The following ADAD2 variants were observed in gnomAD, a reference collection of about 807,000 sequenced individuals.
ADAD2 encodes the protein adenosine deaminase domain containing 2.
ADAD2 carries 60 observed loss-of-function variants against 54.5 expected under a neutral mutation model. The ratio of observed to expected loss-of-function variants is 1.10; its 90% confidence interval spans 0.89 to 1.36. The LOEUF is 1.36. ADAD2 is among the 40% of genes most tolerant of loss of function. The pLI, the probability that ADAD2 is intolerant of heterozygous loss-of-function variation, is 0.00. For synonymous variants in ADAD2, 543 were observed against 366.2 expected (o/e 1.48, Z -5.51); for missense variants, 1,103 against 801.3 (o/e 1.38, Z -4.54).
At chr16:84,196,532 C>T (rs1429235163) in intron 8 of ADAD2, 115 bp from the exon 9 acceptor site, 6 of 1,551,912 alleles carry the variant, frequency 3.9e-6, no homozygotes, top group Non-Finnish European at 5.2e-6. Flanking sequence ...CTCTGTCTGC[C>T]CTGTGAGTCC....
rs763555427 is a variant in ADAD2, at chr16:84,194,948, C to G, written c.575C>G (p.Ser192Cys). 5 of 1,611,802 alleles carry G rather than the reference C, an allele frequency of 3.1e-6. No homozygotes were observed. In the African/African-American group the frequency reaches 5.3e-5, roughly 17 times the overall value. ...QLENPESPQT[S>C]SRPPLAPLSV... is the part of the protein sequence containing the mutation. ...CCTCTTTCAGAGTCCCCCCAGACCT[C>G]CAGCCGGCCTCCACTGGCCCCCCTG... is the stretch of plus-strand genomic sequence containing the variant. Residue 192 changes from serine to cysteine, a missense_variant, in exon 3 of 10, where the codon TCC becomes TGC. Transcript: ENST00000315906.
At chr16:84,193,143 A>G (rs556886875) in intron 1 of ADAD2, 1 of 152,316 alleles carries the variant, frequency 6.6e-6, no homozygotes, top group East Asian at 1.9e-4. Flanking sequence ...TATATTTCTT[A>G]AAAACAAGGG....
In ADAD2 at chr16:84,191,327, C is replaced by A. The variant is rs201806694; in HGVS notation, c.97C>A (p.Arg33=). Residue 33 remains arginine (R), a synonymous_variant, in exon 1 of 10, where the codon CGA becomes AGA. Transcript: ENST00000315906. ...LQISPQPRPW[R]PLPAQAQSAW... The stretch of plus-strand genomic sequence containing the variant: ...GATCAGCCCCCAGCCCCGCCCCTGG[C>A]GACCGCTACCCGCCCAGGCCCAAAG... The A allele has an allele frequency of 6.3e-7, 1 of 1,583,360 alleles. No individual in the cohort carries two copies. The highest frequency in any genetic ancestry group is 8.6e-7 in the Non-Finnish European group (1 of 1,165,028).
At chr16:84,194,002 A>G (rs758575211) in intron 1 of ADAD2, 14 of 1,568,574 alleles carry the variant, frequency 8.9e-6, no homozygotes, top group Admixed American at 1.8e-5. Flanking sequence ...ATACTGTTTC[A>G]TAGGAAAAGT....
rs759781451 is a variant in ADAD2, at chr16:84,196,742, C to A, written c.1622C>A (p.Ala541Asp). ...ARAVGKPYLL[A>D]LKTYEAAKAG... ...GCTGTGGGGAAGCCCTACCTCCTGG[C>A]CTTGAAGACCTACGAGGCTGCCAAG... The change falls in exon 9 of 10, where the codon GCC (alanine) becomes GAC (aspartate). Residue 541 changes from alanine (A) to aspartate (D), a missense_variant. Ala to Asp is a moderately radical substitution (Grantham distance 126, BLOSUM62 -2). Coordinates refer to ENST00000315906, the MANE Select transcript of ADAD2 (RefSeq NM_001145400.2). 1.2e-6 allele frequency: 2 copies of A among 1,612,500 alleles called. No individual in the cohort carries two copies. The highest frequency in any genetic ancestry group is 1.7e-5 in the Admixed American group (1 of 60,000).
rs373393984 is a variant in ADAD2, at chr16:84,194,355, G to C, written c.419-87G>C. 116 of 1,551,682 alleles carry C rather than the reference G, an allele frequency of 7.5e-5. 3 individuals carry two copies. In the South Asian group the frequency reaches 1.3e-3, roughly 17 times the overall value. On this transcript the variant is annotated intron_variant, in intron 1 of 9. Transcript: ENST00000315906. ...GGGTCTCATTATTCTGACCGTCCTC[G>C]ATATCAGGTGTCAGGAGGAGGCAGA...
chr16:84,194,898 C>T (rs1257411337), intron 2 of ADAD2, 35 bp from the exon 3 acceptor site: 2 of 1,576,422 alleles, frequency 1.3e-6, no homozygotes, highest in Admixed American at 1.9e-5. Context: ...TGGGCCTTGG[C>T]ACCCACACCA....
Position 84,195,950 on chromosome 16 carries a change from C to A in ADAD2, c.1188C>A (p.Ala396=). 6.3e-7 allele frequency: 1 copy of A among 1,599,510 alleles called. No individual in the cohort carries two copies. Among genetic ancestry groups the A allele is most frequent in the Non-Finnish European group, 8.5e-7 (1 of 1,179,610 alleles). The change falls in exon 7 of 10, where the codon GCC becomes GCA. Residue 396 remains alanine (A), a synonymous_variant. Transcript: ENST00000315906. The part of the protein sequence containing the change: ...LCDTHVGCLS[A]SDKLARWAVL... ...ACACCCACGTGGGCTGCCTGTCAGC[C>A]AGTGACAAGCTGGCACGCTGGGCCG...
chr16:84,194,090 T>G (rs142008098), intron 1 of ADAD2: 80 of 1,613,950 alleles, frequency 5.0e-5, no homozygotes, highest in Non-Finnish European at 6.6e-5. Flanking sequence ...AGAGCCTTCC[T>G]CCTGAGAACA....
rs1223960425 is a variant in ADAD2 at position 84,196,866 on chromosome 16, C to G, written c.1648-4C>G. ...CTCACCCCACCTCTCATCTCCCGCCCTAGGCTGGGCCCTACCAGGAGGCTC... is the reference window on the plus strand; with the variant it reads ...CTCACCCCACCTCTCATCTCCCGCCGTAGGCTGGGCCCTACCAGGAGGCTC... On this transcript the variant is annotated splice_polypyrimidine_tract_variant and splice_region_variant and intron_variant, in intron 9 of 9. Transcript: ENST00000315906. 6.3e-7 allele frequency: 1 copy of G among 1,592,088 alleles called. No homozygotes were observed. Among genetic ancestry groups the G allele is most frequent in the Admixed American group, 1.7e-5 (1 of 57,386 alleles).
chr16:84,194,028 C>T (rs773904421), intron 1 of ADAD2: 2 of 1,600,666 alleles, frequency 1.2e-6, no homozygotes, highest in Non-Finnish European at 8.5e-7. Flanking sequence ...AATATAGAGC[C>T]CCTGGAGGAG....
chr16:84,196,041 CT>C lies in ADAD2; in HGVS notation c.1280del (p.Leu427ArgfsTer11), dbSNP rs781747194. 1 of 1,599,360 alleles carries C rather than the reference CT, an allele frequency of 6.3e-7. No homozygotes were observed. Among genetic ancestry groups the C allele is most frequent in the Non-Finnish European group, 8.5e-7 (1 of 1,179,842 alleles). The part of the protein sequence containing the change: ...VSPLYSTSLI[L>X]ADSCHDPPTL... ...CCCACTCTACAGCACCAGCCTCATC[CT>C]GGGTGAGCACGTGGTGAGGGCTGGG... On this transcript the variant is annotated frameshift_variant and splice_region_variant, in exon 7 of 10. Transcript: ENST00000315906. LOFTEE classifies it high-confidence loss of function.
At chr16:84,196,065 G>C in intron 7 of ADAD2, 21 bp downstream of exon 7, 2 of 1,598,916 alleles carry the variant, frequency 1.3e-6, no homozygotes, top group Admixed American at 1.7e-5. Context: ...GGTGAGGGCT[G>C]GGGGGGTGAG....
In ADAD2 at chr16:84,191,183, A is replaced by G. The variant is rs780314827; in HGVS notation, c.-48A>G. On this transcript the variant is annotated 5_prime_UTR_variant, in exon 1 of 10. Transcript: ENST00000315906. ...CCCGCCCTGCGCGTGTGAAAGGGCG[A>G]GAGCAGCGCGAGATAGGGCCTAGCG... 2.5e-6 allele frequency: 4 copies of G among 1,575,908 alleles called. No individual in the cohort carries two copies. Among genetic ancestry groups the G allele is most frequent in the Non-Finnish European group, 2.6e-6 (3 of 1,157,782 alleles).
intron 8 of ADAD2, 115 bp downstream of exon 8, chr16:84,196,485 GCTCAA>G (rs879172869): frequency 0.38 from 583,455 of 1,544,448 alleles, 114,395 homozygotes; most frequent in African/African-American, 0.62. Flanking sequence ...CAACCCCTTC[GCTCAA>G]CCCCTTCCTA....
intron 1 of ADAD2, among the ~76,000 whole-genome samples, chr16:84,192,085 C>CT (rs2089663848): frequency 6.6e-6 from 1 of 152,148 alleles, no homozygotes; most frequent in South Asian, 2.1e-4. Flanking sequence ...AGAGGTAAAC[C>CT]GTTATTTCCT....
intron 1 of ADAD2, among the ~76,000 whole-genome samples, chr16:84,192,141 T>C (rs920487141): frequency 6.6e-6 from 1 of 152,106 alleles, no homozygotes; most frequent in African/African-American, 2.4e-5. Context: ...AGAGTGGTTG[T>C]TTTGTGTTTT....
Position 84,195,344 on chromosome 16 carries a change from C to T in ADAD2, c.782C>T (p.Ala261Val), listed in dbSNP as rs765401805. ...GTGAAGGAGATCTACAAGCTGGTGG[C>T]TCTGGGCACCGGCAGCAGCTGCTGT... ...GHVKEIYKLV[A>V]LGTGSSCCAG... The change falls in exon 5 of 10, where the codon GCT (alanine) becomes GTT (valine). Residue 261 changes from alanine (A) to valine (V), a missense_variant. Transcript: ENST00000315906. The T allele has an allele frequency of 3.1e-6, 5 of 1,610,356 alleles. No individual in the cohort carries two copies. Among genetic ancestry groups the T allele is most frequent in the South Asian group, 1.1e-5 (1 of 91,030 alleles).
In ADAD2 at chr16:84,191,243, T is replaced by G. The variant is rs778628327; in HGVS notation, c.13T>G (p.Ser5Ala). MASA[S>A]QGADDDGSRR... Reference sequence around the variant, plus strand: ...TTCGTTGGCGGCCATGGCTTCGGCTTCTCAGGGCGCTGACGACGACGGCAG... The same window carrying G: ...TTCGTTGGCGGCCATGGCTTCGGCTGCTCAGGGCGCTGACGACGACGGCAG... Residue 5 changes from serine (S) to alanine (A), a missense_variant, in exon 1 of 10, where the codon TCT becomes GCT. Physicochemically the swap from Ser to Ala is moderately conservative, Grantham distance 99 (BLOSUM62 1). Coordinates refer to ENST00000315906, the MANE Select transcript of ADAD2 (RefSeq NM_001145400.2). The G allele has an allele frequency of 1.4e-5, 23 of 1,607,774 alleles. No homozygotes were observed. The highest frequency in any genetic ancestry group is 2.0e-5 in the Non-Finnish European group (23 of 1,177,234).
Sources: gnomAD v4.1 joint callset for allele counts (sites outside exome capture counted in the v4.1 genomes callset) on GRCh38, gnomAD v4.1.1 for gene constraint, MANE v1.5 for transcripts, NCBI Gene and HGNC (gene_info 2026-07-23, HGNC 2026-07-21) for gene names.